KANK1: variants seen among roughly 807,000 people sequenced by gnomAD.
KANK1 encodes the protein KN motif and ankyrin repeat domains 1.
Under a neutral mutation model 106.2 loss-of-function variants are expected in KANK1, and 109 were observed. That is an observed-to-expected ratio of 1.03 (90% CI 0.88 to 1.20). KANK1 has a LOEUF of 1.20. Ranked by LOEUF, KANK1 falls within the 50% of genes most tolerant of loss-of-function variation. The pLI, the probability that KANK1 is intolerant of heterozygous loss-of-function variation, is 0.00. For missense variants in KANK1, 2,399 were observed against 1,710.7 expected (o/e 1.40, Z -7.10); for synonymous variants, 873 against 652.2 (o/e 1.34, Z -5.16).
chr9:470,339 C>T (rs552338676), exon 1 of KANK1: 2 of 152,390 alleles, frequency 1.3e-5, no homozygotes, highest in African/African-American at 4.8e-5. Context: ...CCAGCCTGCT[C>T]AGCAGCGAGT....
At chr9:723,368 A>T (rs1005546488) in intron 3 of KANK1, among the ~76,000 whole-genome samples, 9 of 152,172 alleles carry the variant, frequency 5.9e-5, no homozygotes, top group African/African-American at 2.2e-4. Flanking sequence ...GGAAAGGCTT[A>T]CCAGGTTGTT....
intron 3 of KANK1, among the ~76,000 whole-genome samples, chr9:717,167 C>T (rs1827946389): frequency 6.6e-6 from 1 of 151,994 alleles, no homozygotes; most frequent in South Asian, 2.1e-4. Context: ...TGCCCGTAGT[C>T]CCAGCTACTC....
intron 1 of KANK1, among the ~76,000 whole-genome samples, chr9:664,495 C>G (rs1844114566): frequency 2.0e-5 from 3 of 152,134 alleles, no homozygotes; most frequent in Admixed American, 2.0e-4. Flanking sequence ...CAGAGTCCTG[C>G]TATGTTGTCC....
intron 1 of KANK1, among the ~76,000 whole-genome samples, chr9:644,570 G>C (rs1274100776): frequency 5.3e-5 from 8 of 150,540 alleles, no homozygotes; most frequent in African/African-American, 2.0e-4. Context: ...GGTGCTACAC[G>C]CTTTTAAATA....
chr9:730,784 CA>C (rs1324155669), intron 4 of KANK1: 1 of 180,576 alleles, frequency 5.5e-6, no homozygotes, highest in Admixed American at 5.7e-5. Flanking sequence ...TTCTGGCAGG[CA>C]TAAGTTTTTT....
At chr9:563,066 A>C (rs1816902172) in intron 1 of KANK1, among the ~76,000 whole-genome samples, 1 of 152,216 alleles carries the variant, frequency 6.6e-6, no homozygotes, top group African/African-American at 2.4e-5. Context: ...TTCTAATTAC[A>C]TGAAAGAGAT....
Position 712,143 on chromosome 9 carries a change from G to A in KANK1, c.1377G>A (p.Gln459=), listed in dbSNP as rs114868002. ...CTGACAAAGAAATTGAGCTGCAACA[G>A]CAGACCATAGAATCCTTGAAGGAAA... ...TEADKEIELQ[Q]QTIESLKEKI... is the part of the protein sequence containing the mutation. The change falls in exon 3 of 12, where the codon CAG becomes CAA. Residue 459 remains glutamine, a synonymous_variant. Coordinates refer to ENST00000382297, the MANE Select transcript of KANK1 (RefSeq NM_015158.5). 5.8e-4 allele frequency: 939 copies of A among 1,614,128 alleles called. 3 individuals carry two copies. The African/African-American group carries it at 8.6e-3, about 15-fold the overall frequency.
chr9:719,558 T>A (rs545386874), intron 3 of KANK1, among the ~76,000 whole-genome samples: 7 of 152,320 alleles, frequency 4.6e-5, no homozygotes, highest in Admixed American at 4.6e-4. Flanking sequence ...CCAGAACAGT[T>A]GGAATAGGTG....
chr9:553,183 TA>T (rs1336479155), intron 1 of KANK1, among the ~76,000 whole-genome samples: 16 of 152,118 alleles, frequency 1.1e-4, no homozygotes, highest in Non-Finnish European at 2.4e-4. Context: ...CACCTTTATT[TA>T]AAAAAATCAT....
At chr9:597,654 T>C (rs567887614) in intron 1 of KANK1, among the ~76,000 whole-genome samples, 234 of 151,476 alleles carry the variant, frequency 1.5e-3, no homozygotes, top group Middle Eastern at 3.4e-3. Flanking sequence ...AAGGTTTTCT[T>C]TTTTTTTAAT....
chr9:616,242 G>A (rs992184572), intron 1 of KANK1, among the ~76,000 whole-genome samples: 9 of 152,158 alleles, frequency 5.9e-5, no homozygotes, highest in African/African-American at 1.4e-4. Context: ...TGACATAACC[G>A]TGAGGACTAA....
At chr9:656,358 C>T (rs1445216323) in intron 1 of KANK1, among the ~76,000 whole-genome samples, 1 of 152,152 alleles carries the variant, frequency 6.6e-6, no homozygotes, top group Non-Finnish European at 1.5e-5. Flanking sequence ...ATTTTCTCAG[C>T]TGAACATGGC....
At chr9:710,094 A>C (rs539947589) in intron 2 of KANK1, among the ~76,000 whole-genome samples, 2 of 152,070 alleles carry the variant, frequency 1.3e-5, no homozygotes, top group African/African-American at 4.8e-5. Flanking sequence ...AAAATTACCT[A>C]TTGAGTACGG....
chr9:625,766 C>T (rs1834190566), intron 1 of KANK1, among the ~76,000 whole-genome samples: 1 of 152,130 alleles, frequency 6.6e-6, no homozygotes. Context: ...AAACATGGAC[C>T]TGTGCTTTAA....
chr9:611,177 A>T (rs1309353265), intron 1 of KANK1, among the ~76,000 whole-genome samples: 1 of 152,150 alleles, frequency 6.6e-6, no homozygotes, highest in Non-Finnish European at 1.5e-5. Context: ...TGTCGCTGTC[A>T]GCCCCCTGAG....
intron 3 of KANK1, among the ~76,000 whole-genome samples, chr9:486,769 T>C (rs946112591): frequency 2.0e-5 from 3 of 152,262 alleles, no homozygotes; most frequent in Non-Finnish European, 4.4e-5. Context: ...AAATATTTTC[T>C]GTATTTTAAG....
intron 3 of KANK1, among the ~76,000 whole-genome samples, chr9:490,355 G>A (rs61112284): frequency 0.019 from 2,885 of 151,670 alleles, 103 homozygotes; most frequent in African/African-American, 0.065. Flanking sequence ...AAATTAAAAA[G>A]AAAAAAAAGC....
At chr9:633,701 A>C (rs1836376030) in intron 1 of KANK1, among the ~76,000 whole-genome samples, 1 of 152,150 alleles carries the variant, frequency 6.6e-6, no homozygotes, top group Non-Finnish European at 1.5e-5. Context: ...CACCCAGGCT[A>C]GTGTGCAGTG....
intron 1 of KANK1, among the ~76,000 whole-genome samples, chr9:657,231 C>A (rs927954558): frequency 6.6e-6 from 1 of 152,094 alleles, no homozygotes; most frequent in African/African-American, 2.4e-5. Flanking sequence ...AGATAATAGT[C>A]CATTGTATGC....
Sources: allele counts gnomAD v4.1 joint callset (sites outside exome capture counted in the v4.1 genomes callset), GRCh38; gene constraint gnomAD v4.1.1; transcripts MANE v1.5; gene names NCBI Gene and HGNC (gene_info 2026-07-23, HGNC 2026-07-21).